RIMS2: variants seen among roughly 807,000 people sequenced by gnomAD.
RIMS2 encodes the protein regulating synaptic membrane exocytosis protein 2.
Under a neutral mutation model 174.4 loss-of-function variants are expected in RIMS2, and 59 were observed. That is an observed-to-expected ratio of 0.34 (90% CI 0.27 to 0.42). The LOEUF is 0.42. Ranked by LOEUF, RIMS2 falls within the 10% of genes least tolerant of loss-of-function variation. The pLI is 1.00. For missense variants in RIMS2, 1,620 were observed against 1,666.3 expected (o/e 0.97, Z 0.48); for synonymous variants, 606 against 572.5 (o/e 1.06, Z -0.84).
intron 19 of RIMS2, among the ~76,000 whole-genome samples, chr8:104,139,382 T>A (rs2098548349): frequency 6.6e-6 from 1 of 152,186 alleles, no homozygotes; most frequent in Non-Finnish European, 1.5e-5. Context: ...ATATTGATTC[T>A]TCCAGTCCAT....
At chr8:103,982,328 C>A (rs2093977744) in intron 16 of RIMS2, among the ~76,000 whole-genome samples, 1 of 151,664 alleles carries the variant, frequency 6.6e-6, no homozygotes, top group African/African-American at 2.4e-5. Context: ...AAAGAAGAAC[C>A]AATACCAACT....
At chr8:103,527,126 A>G (rs1445436713) in intron 1 of RIMS2, among the ~76,000 whole-genome samples, 2 of 152,150 alleles carry the variant, frequency 1.3e-5, no homozygotes, top group African/African-American at 4.8e-5. Context: ...TGAAGAAAAA[A>G]CCGCACAGTT....
intron 1 of RIMS2, among the ~76,000 whole-genome samples, chr8:103,666,405 G>GCC (rs1564210973): frequency 1.5e-4 from 23 of 152,176 alleles, no homozygotes; most frequent in African/African-American, 5.1e-4. Context: ...CAACCGGAGA[G>GCC]GTTGACCAAA....
intron 2 of RIMS2, among the ~76,000 whole-genome samples, chr8:103,702,836 T>TGTA (rs2097181011): frequency 6.7e-6 from 1 of 148,432 alleles, no homozygotes; most frequent in Admixed American, 6.8e-5. Flanking sequence ...GGTCAGGCGA[T>TGTA]GTAATTCCTC....
chr8:103,793,382 C>G (rs142313278), intron 3 of RIMS2, among the ~76,000 whole-genome samples: 18,884 of 152,064 alleles, frequency 0.12, 1,276 homozygotes, highest in Middle Eastern at 0.22. Context: ...ATTCAACAGC[C>G]CTTCATGCTA....
intron 19 of RIMS2, among the ~76,000 whole-genome samples, chr8:104,015,058 A>C (rs1186392415): frequency 6.6e-6 from 1 of 152,186 alleles, no homozygotes; most frequent in Non-Finnish European, 1.5e-5. Context: ...TCATGAATAT[A>C]CAATGAAAGA....
At chr8:103,947,999 T>G (rs1045761560) in intron 14 of RIMS2, among the ~76,000 whole-genome samples, 1 of 152,160 alleles carries the variant, frequency 6.6e-6, no homozygotes, top group Non-Finnish European at 1.5e-5. Flanking sequence ...GCAATAATAA[T>G]AAGATAATAG....
chr8:103,532,078 T>C (rs908856710), intron 1 of RIMS2, among the ~76,000 whole-genome samples: 5 of 152,222 alleles, frequency 3.3e-5, no homozygotes, highest in Non-Finnish European at 7.3e-5. Context: ...TTAAGTTATG[T>C]CAAAATGCTG....
At chr8:104,118,618 C>T (rs2132183847) in intron 19 of RIMS2, among the ~76,000 whole-genome samples, 1 of 152,124 alleles carries the variant, frequency 6.6e-6, no homozygotes, top group East Asian at 1.9e-4. Flanking sequence ...ATCTGCCTGC[C>T]TCGGCCTCCC....
At position 103,626,997 on chromosome 8, in the gene RIMS2, A is replaced by C. The variant is rs180670680; in HGVS notation, c.177-70089A>C. Among the ~76,000 whole-genome samples, 11 of 152,306 alleles carry C rather than the reference A, an allele frequency of 7.2e-5. No individual in the cohort carries two copies. In the East Asian group the frequency reaches 1.7e-3, roughly 24 times the overall value. ...GGAAACAGGGTTTTAGAGCAGACAA[A>C]CAGTCTGACTAGAATTTACCAGGCT... is the stretch of plus-strand genomic sequence containing the variant. On this transcript the variant is annotated intron_variant, in intron 1 of 23. Coordinates refer to ENST00000504942, the Ensembl canonical transcript of RIMS2.
At chr8:104,163,259 A>G (rs1295279993) in intron 19 of RIMS2, among the ~76,000 whole-genome samples, 1 of 152,148 alleles carries the variant, frequency 6.6e-6, no homozygotes, top group Non-Finnish European at 1.5e-5. Context: ...CTGACACTCT[A>G]TTATTCACTG....
intron 19 of RIMS2, among the ~76,000 whole-genome samples, chr8:104,120,709 G>A (rs1206462841): frequency 6.6e-6 from 1 of 152,024 alleles, no homozygotes; most frequent in African/African-American, 2.4e-5. Context: ...ACAACAGGCA[G>A]CAACTTAGAG....
intron 19 of RIMS2, among the ~76,000 whole-genome samples, chr8:104,044,186 A>G (rs2096654863): frequency 6.6e-6 from 1 of 151,640 alleles, no homozygotes; most frequent in Non-Finnish European, 1.5e-5. Flanking sequence ...AAGTAAAAGC[A>G]ATAGGGTTTC....
At chr8:103,967,575 C>T (rs185368701) in intron 15 of RIMS2, among the ~76,000 whole-genome samples, 1 of 152,114 alleles carries the variant, frequency 6.6e-6, no homozygotes, top group East Asian at 1.9e-4. Flanking sequence ...TCACTGCAAC[C>T]TCTGCATCTC....
intron 1 of RIMS2, among the ~76,000 whole-genome samples, chr8:103,556,190 T>C (rs1418095983): frequency 1.3e-5 from 2 of 152,194 alleles, no homozygotes; most frequent in Admixed American, 6.6e-5. Context: ...GAGTAGATTT[T>C]AAATGTCACC....
At chr8:103,593,591 A>G (rs2094356731) in intron 1 of RIMS2, among the ~76,000 whole-genome samples, 1 of 151,520 alleles carries the variant, frequency 6.6e-6, no homozygotes, top group Non-Finnish European at 1.5e-5. Context: ...ATTTACTTCA[A>G]CCAAAGCAAT....
intron 19 of RIMS2, among the ~76,000 whole-genome samples, chr8:104,097,657 G>T (rs1332429550): frequency 5.3e-5 from 8 of 151,382 alleles, no homozygotes; most frequent in African/African-American, 1.9e-4. Context: ...TCCCTACAAT[G>T]TTGTGTTTTG....
chr8:103,673,398 T>C (rs2096769709), intron 1 of RIMS2, among the ~76,000 whole-genome samples: 1 of 152,202 alleles, frequency 6.6e-6, no homozygotes, highest in African/African-American at 2.4e-5. Context: ...AGGGCTCCAC[T>C]CTTAGGAGGC....
At chr8:103,655,658 T>C (rs2096521279) in intron 1 of RIMS2, among the ~76,000 whole-genome samples, 1 of 152,108 alleles carries the variant, frequency 6.6e-6, no homozygotes, top group Admixed American at 6.5e-5. Context: ...CTGTGAGGTC[T>C]TTTAATAGAA....
Sources: allele counts gnomAD v4.1 joint callset (sites outside exome capture counted in the v4.1 genomes callset), GRCh38; gene constraint gnomAD v4.1.1; transcripts MANE v1.5; gene names NCBI Gene and HGNC (gene_info 2026-07-23, HGNC 2026-07-21).